GALK2: variants seen among roughly 807,000 people sequenced by gnomAD.
The protein encoded by GALK2 is N-acetylgalactosamine kinase.
GALK2 carries 36 observed loss-of-function variants against 52.4 expected under a neutral mutation model. The observed-to-expected ratio is 0.69, with a 90% CI of 0.53 to 0.91. The LOEUF is 0.91. Ranked by LOEUF, GALK2 falls within the 40% of genes least tolerant of loss-of-function variation. The pLI is 0.00. For synonymous variants in GALK2, 176 were observed against 199.1 expected, an observed-to-expected ratio of 0.88 and a Z score of 0.98; for missense variants, 579 against 559.1, an observed-to-expected ratio of 1.04 and a Z score of -0.36.
chr15:49,285,681 T>C (rs2033270369), intron 7 of GALK2, among the ~76,000 whole-genome samples: 1 of 152,228 alleles, frequency 6.6e-6, no homozygotes, highest in African/African-American at 2.4e-5. Flanking sequence ...TTCACAGACC[T>C]TATATTTTTC....
intron 8 of GALK2, among the ~76,000 whole-genome samples, chr15:49,308,037 T>C (rs1048462310): frequency 6.6e-6 from 1 of 152,244 alleles, no homozygotes; most frequent in African/African-American, 2.4e-5. Flanking sequence ...TTAACATTTT[T>C]AAAAAATATT....
chr15:49,215,776 G>C (rs1479567073), intron 2 of GALK2, among the ~76,000 whole-genome samples: 4 of 152,116 alleles, frequency 2.6e-5, no homozygotes, highest in African/African-American at 9.7e-5. Context: ...TGTTTTCCTG[G>C]ATACTCTTGA....
intron 1 of GALK2, among the ~76,000 whole-genome samples, chr15:49,176,508 A>T (rs2085471816): frequency 1.3e-5 from 2 of 152,154 alleles, no homozygotes; most frequent in African/African-American, 4.8e-5. Flanking sequence ...GATTTAAAAA[A>T]TTTTATATTT....
intron 2 of GALK2, among the ~76,000 whole-genome samples, chr15:49,208,421 T>G (rs1246052450): frequency 2.0e-5 from 3 of 152,238 alleles, no homozygotes; most frequent in African/African-American, 4.8e-5. Flanking sequence ...CAATGCTCAT[T>G]TAGGAGCAGG....
chr15:49,365,949 A>C, intron 3 of GALK2: 1 of 896,178 alleles, frequency 1.1e-6, no homozygotes, highest in East Asian at 2.4e-5. Flanking sequence ...TCATAACATA[A>C]ACTAACCATT....
chr15:49,359,687 C>T (rs1005645197), intron 3 of GALK2, among the ~76,000 whole-genome samples: 6 of 137,622 alleles, frequency 4.4e-5, no homozygotes, highest in Non-Finnish European at 9.5e-5. Context: ...GTGGCGATTC[C>T]TCAGGGATCT....
chr15:49,346,293 C>T (rs1206210286), intron 3 of GALK2, among the ~76,000 whole-genome samples: 1 of 152,200 alleles, frequency 6.6e-6, no homozygotes, highest in Non-Finnish European at 1.5e-5. Flanking sequence ...AAAAACTCTA[C>T]CCTCAGGTTG....
intron 2 of GALK2, among the ~76,000 whole-genome samples, chr15:49,214,925 A>G (rs2089254501): frequency 1.4e-5 from 2 of 140,566 alleles, no homozygotes; most frequent in Non-Finnish European, 3.2e-5. Context: ...GGTGTTGTTG[A>G]AACCCCTCAG....
At chr15:49,237,367 A>G (rs899768752) in intron 4 of GALK2, among the ~76,000 whole-genome samples, 6 of 152,370 alleles carry the variant, frequency 3.9e-5, no homozygotes, top group African/African-American at 1.4e-4. Context: ...CTTTTGGCAT[A>G]GAGCTATTAC....
At chr15:49,313,085 G>A (rs1237813234) in intron 8 of GALK2, among the ~76,000 whole-genome samples, 3 of 152,222 alleles carry the variant, frequency 2.0e-5, no homozygotes, top group Non-Finnish European at 4.4e-5. Context: ...TGGGAATGGT[G>A]AGAACTGTGT....
intron 2 of GALK2, among the ~76,000 whole-genome samples, chr15:49,215,991 C>T (rs1251621859): frequency 6.6e-6 from 1 of 152,186 alleles, no homozygotes; most frequent in East Asian, 1.9e-4. Context: ...TGCAATTCTT[C>T]CTGACATCTA....
chr15:49,256,107 T>C (rs2091804180), intron 5 of GALK2, among the ~76,000 whole-genome samples: 1 of 152,176 alleles, frequency 6.6e-6, no homozygotes, highest in Non-Finnish European at 1.5e-5. Context: ...TATAATGACA[T>C]GGGCAGGCTC....
At position 49,253,553 on chromosome 15, in the gene GALK2, A is replaced by G. The variant is rs1272110151; in HGVS notation, c.504+14186A>G. Among the ~76,000 whole-genome samples, 2 of 144,224 alleles carry G rather than the reference A, an allele frequency of 1.4e-5. 1 individual carries two copies. Among genetic ancestry groups the G allele is most frequent in the African/African-American group, 5.0e-5 (2 of 40,258 alleles). The allele number at this position is 144,224 out of a possible 152,430, so 94.6% of individuals were successfully genotyped here. A position where few individuals can be genotyped will look rare whatever the true frequency, so the allele number is the denominator to read the frequency against. Reference sequence around the variant, plus strand: ...CAATAGCATTTGTGCAGTAAGACATACACTTTTGAATCATGAATAATGTAA... The same window carrying G: ...CAATAGCATTTGTGCAGTAAGACATGCACTTTTGAATCATGAATAATGTAA... On this transcript the variant is annotated intron_variant, in intron 5 of 9. Coordinates refer to ENST00000560031, the MANE Select transcript of GALK2 (RefSeq NM_002044.4).
At chr15:49,239,503 A>G in intron 5 of GALK2, 136 bp downstream of exon 5, 1 of 747,282 alleles carries the variant, frequency 1.3e-6, no homozygotes, top group Non-Finnish European at 2.2e-6. Flanking sequence ...AAGCATTGTA[A>G]CTTAACAAGT....
chr15:49,346,049 TTA>T (rs1263632414), intron 3 of GALK2, among the ~76,000 whole-genome samples: 1 of 101,670 alleles, frequency 9.8e-6, no homozygotes, highest in Non-Finnish European at 2.3e-5. Context: ...CTTGCTTTTG[TTA>T]TTTTTTTTTT....
intron 5 of GALK2, 120 bp downstream of exon 5, chr15:49,239,487 G>A: frequency 1.1e-6 from 1 of 879,908 alleles, no homozygotes; most frequent in Non-Finnish European, 1.8e-6. Context: ...GACTGCACAT[G>A]TGGGCAAGCA....
intron 1 of GALK2, among the ~76,000 whole-genome samples, chr15:49,192,514 T>C (rs1043685793): frequency 1.2e-4 from 15 of 122,804 alleles, no homozygotes; most frequent in South Asian, 2.7e-4. Context: ...TATATATATA[T>C]ATATATATAT....
intron 3 of GALK2, among the ~76,000 whole-genome samples, chr15:49,347,438 T>A (rs2041668534): frequency 2.6e-5 from 4 of 152,304 alleles, no homozygotes; most frequent in African/African-American, 9.6e-5. Flanking sequence ...ATTCTATGTA[T>A]AGGACAGATT....
intron 3 of GALK2, among the ~76,000 whole-genome samples, chr15:49,357,123 G>A (rs929765229): frequency 2.7e-5 from 4 of 150,856 alleles, no homozygotes; most frequent in African/African-American, 9.8e-5. Flanking sequence ...ATGCCCACAA[G>A]AGAAGGCAGG....
Sources: gnomAD v4.1 joint callset for allele counts (sites outside exome capture counted in the v4.1 genomes callset) on GRCh38, gnomAD v4.1.1 for gene constraint, MANE v1.5 for transcripts, NCBI Gene and HGNC (gene_info 2026-07-23, HGNC 2026-07-21) for gene names.